The following PPM1H variants were observed in gnomAD, a reference collection of about 807,000 sequenced individuals.
The protein encoded by PPM1H is protein phosphatase 1H.
A neutral mutation model predicts 54.9 loss-of-function variants in PPM1H; 27 were observed. The ratio of observed to expected loss-of-function variants is 0.49; its 90% confidence interval spans 0.36 to 0.68. The LOEUF is 0.68. Ranked by LOEUF, PPM1H falls within the 30% of genes least tolerant of loss-of-function variation. PPM1H has a pLI of 0.00. For missense variants in PPM1H, 596 were observed against 667.8 expected, an observed-to-expected ratio of 0.89 and a Z score of 1.19; for synonymous variants, 305 against 270.8, an observed-to-expected ratio of 1.13 and a Z score of -1.24.
chr12:62,665,623 T>C (rs1432007161), intron 9 of PPM1H, among the ~76,000 whole-genome samples: 1 of 152,238 alleles, frequency 6.6e-6, no homozygotes, highest in Non-Finnish European at 1.5e-5. Flanking sequence ...TCTGTTTAAT[T>C]CAGTGAATTT....
intron 1 of PPM1H, among the ~76,000 whole-genome samples, chr12:62,920,398 C>G (rs1871756276): frequency 1.3e-5 from 2 of 151,862 alleles, no homozygotes. Context: ...GTGATCACAG[C>G]TCACTGCAGC....
At chr12:62,912,584 G>A (rs1390416961) in intron 1 of PPM1H, among the ~76,000 whole-genome samples, 1 of 152,152 alleles carries the variant, frequency 6.6e-6, no homozygotes, top group Non-Finnish European at 1.5e-5. Context: ...TACAAGAGTA[G>A]TTAACCTTCT....
At chr12:62,739,351 A>G (rs1194617020) in intron 4 of PPM1H, among the ~76,000 whole-genome samples, 1 of 152,142 alleles carries the variant, frequency 6.6e-6, no homozygotes, top group African/African-American at 2.4e-5. Flanking sequence ...GACTATAACA[A>G]GGGAGTAGGA....
At chr12:62,691,263 C>T (rs1184445211) in intron 7 of PPM1H, among the ~76,000 whole-genome samples, 6 of 152,216 alleles carry the variant, frequency 3.9e-5, no homozygotes, top group Middle Eastern at 3.4e-3. Context: ...AAAATATATC[C>T]GGTGTAGTGA....
intron 3 of PPM1H, among the ~76,000 whole-genome samples, chr12:62,801,445 G>A (rs1017476697): frequency 2.6e-5 from 4 of 152,066 alleles, no homozygotes; most frequent in Admixed American, 6.5e-5. Context: ...AGCCTCCCGA[G>A]TAGCTGGGAT....
intron 9 of PPM1H, among the ~76,000 whole-genome samples, chr12:62,663,261 TA>T (rs1324795581): frequency 2.6e-5 from 4 of 152,094 alleles, no homozygotes; most frequent in African/African-American, 9.7e-5. Flanking sequence ...CATGGTTTGT[TA>T]AAACACAAAT....
chr12:62,744,163 T>C (rs1357816056), intron 4 of PPM1H, among the ~76,000 whole-genome samples: 2 of 74,922 alleles, frequency 2.7e-5, no homozygotes. Context: ...CATTATACAG[T>C]CATAAAAAAA....
At chr12:62,804,714 C>T (rs1404720481) in intron 2 of PPM1H, among the ~76,000 whole-genome samples, 1 of 124,578 alleles carries the variant, frequency 8.0e-6, no homozygotes, top group African/African-American at 3.3e-5. Context: ...CTCGCTCTGT[C>T]GCCCAGGCTG....
intron 1 of PPM1H, among the ~76,000 whole-genome samples, chr12:62,881,179 G>A (rs2121044041): frequency 6.6e-6 from 1 of 152,260 alleles, no homozygotes; most frequent in East Asian, 1.9e-4. Context: ...GTATGTTTCT[G>A]ATTAGGGTGG....
chr12:62,925,806 C>T (rs183695287), intron 1 of PPM1H, among the ~76,000 whole-genome samples: 2 of 152,298 alleles, frequency 1.3e-5, no homozygotes, highest in Admixed American at 6.5e-5. Context: ...GCCTAGACAG[C>T]TCCCCAAGGT....
At chr12:62,846,512 A>T (rs1485375573) in intron 1 of PPM1H, among the ~76,000 whole-genome samples, 43 of 145,842 alleles carry the variant, frequency 2.9e-4, no homozygotes, top group South Asian at 4.4e-4. Flanking sequence ...AAAAAAAAAA[A>T]TTTTTTTTTT....
At chr12:62,765,715 G>A (rs68180179) in intron 4 of PPM1H, among the ~76,000 whole-genome samples, 1 of 152,084 alleles carries the variant, frequency 6.6e-6, no homozygotes, top group African/African-American at 2.4e-5. Flanking sequence ...CACAGAGAGG[G>A]ATCAGTGAAC....
intron 2 of PPM1H, among the ~76,000 whole-genome samples, chr12:62,830,773 C>T (rs1031079326): frequency 6.6e-6 from 1 of 152,184 alleles, no homozygotes; most frequent in Non-Finnish European, 1.5e-5. Context: ...CCCCGTAAGT[C>T]AACTTTAAAT....
chr12:62,670,453 A>C (rs1287119391), intron 8 of PPM1H, among the ~76,000 whole-genome samples: 1 of 152,198 alleles, frequency 6.6e-6, no homozygotes, highest in African/African-American at 2.4e-5. Flanking sequence ...GAGAGGGTTC[A>C]GGTCTGCAGA....
chr12:62,860,828 G>A (rs957659649), intron 1 of PPM1H, among the ~76,000 whole-genome samples: 1 of 152,136 alleles, frequency 6.6e-6, no homozygotes, highest in Non-Finnish European at 1.5e-5. Flanking sequence ...AAGTTTCCTC[G>A]CCACAGAAAC....
At chr12:62,818,550 T>C (rs1442975873) in intron 2 of PPM1H, among the ~76,000 whole-genome samples, 2 of 150,708 alleles carry the variant, frequency 1.3e-5, no homozygotes, top group African/African-American at 2.4e-5. Flanking sequence ...CTTTTGGAAG[T>C]GCTAGAATTG....
chr12:62,922,127 C>T (rs929791326), intron 1 of PPM1H, among the ~76,000 whole-genome samples: 13 of 152,126 alleles, frequency 8.5e-5, no homozygotes, highest in African/African-American at 2.9e-4. Context: ...TACTTAGGAA[C>T]GCACATATAG....
intron 4 of PPM1H, among the ~76,000 whole-genome samples, chr12:62,762,806 A>G (rs2076517558): frequency 6.6e-6 from 1 of 152,152 alleles, no homozygotes; most frequent in South Asian, 2.1e-4. Flanking sequence ...TGACAGAGGA[A>G]CATGTGATGA....
At chr12:62,673,211 C>T (rs1307346921) in intron 8 of PPM1H, among the ~76,000 whole-genome samples, 1 of 152,178 alleles carries the variant, frequency 6.6e-6, no homozygotes, top group Non-Finnish European at 1.5e-5. Flanking sequence ...TGACTGCTCT[C>T]ACAGAGCCCT....
Sources: gnomAD v4.1 joint callset for allele counts (sites outside exome capture counted in the v4.1 genomes callset) on GRCh38, gnomAD v4.1.1 for gene constraint, MANE v1.5 for transcripts, NCBI Gene and HGNC (gene_info 2026-07-23, HGNC 2026-07-21) for gene names.